RNF212: variants seen among roughly 807,000 people sequenced by gnomAD.
RNF212 encodes the protein ring finger protein 212, also known as probable E3 SUMO-protein ligase RNF212.
A neutral mutation model predicts 34.7 loss-of-function variants in RNF212; 33 were observed. That is an observed-to-expected ratio of 0.95 (90% CI 0.72 to 1.27). RNF212 has a LOEUF of 1.27. Ranked by LOEUF, RNF212 falls within the 50% of genes most tolerant of loss-of-function variation. RNF212 has a pLI of 0.00. For missense variants in RNF212, 377 were observed against 362.2 expected (o/e 1.04, Z -0.33); for synonymous variants, 140 against 136.1 (o/e 1.03, Z -0.20).
intron 5 of RNF212, 146 bp downstream of exon 5, chr4:1,085,749 GC>G: frequency 1.5e-6 from 1 of 662,014 alleles, no homozygotes; most frequent in Non-Finnish European, 2.7e-6. Context: ...CAGCATTTTT[GC>G]TCTGATGAAA....
intron 3 of RNF212, chr4:1,093,538 T>TGCTGCCCA: frequency 7.3e-7 from 1 of 1,375,484 alleles, no homozygotes; most frequent in Non-Finnish European, 9.3e-7. Flanking sequence ...GCAGAGCCTG[T>TGCTGCCCA]GACCTCCACG....
intron 1 of RNF212, 50 bp downstream of exon 1, chr4:1,113,306 C>T: frequency 5.9e-6 from 7 of 1,190,002 alleles, no homozygotes; most frequent in Non-Finnish European, 5.6e-6. Context: ...GTTCCCTGAC[C>T]CCCTTGCCGC....
intron 3 of RNF212, among the ~76,000 whole-genome samples, chr4:1,060,082 A>G (rs1476034942): frequency 6.8e-6 from 1 of 147,342 alleles, no homozygotes; most frequent in Non-Finnish European, 1.5e-5. Flanking sequence ...CTGGGCAACA[A>G]GAGCGAAACT....
intron 2 of RNF212, among the ~76,000 whole-genome samples, chr4:1,105,479 A>G (rs1049305077): frequency 6.6e-6 from 1 of 152,272 alleles, no homozygotes; most frequent in African/African-American, 2.4e-5. Context: ...AGGTGGTGAC[A>G]CACACTGCGA....
intron 3 of RNF212, among the ~76,000 whole-genome samples, chr4:1,095,893 C>G (rs531935415): frequency 1.3e-5 from 1 of 77,550 alleles, no homozygotes; most frequent in South Asian, 4.8e-4. Flanking sequence ...CTCAGCATAG[C>G]GCACCTGGCT....
chr4:1,086,745 G>A (rs557052314), intron 4 of RNF212, among the ~76,000 whole-genome samples: 26 of 11,306 alleles, frequency 2.3e-3, no homozygotes, highest in African/African-American at 0.017. Flanking sequence ...GGATGGGGTA[G>A]GGGTGAGAGG....
intron 4 of RNF212, among the ~76,000 whole-genome samples, chr4:1,090,337 G>A (rs1438177881): frequency 1.3e-5 from 2 of 152,134 alleles, no homozygotes; most frequent in African/African-American, 4.8e-5. Flanking sequence ...GTCACAAGCT[G>A]GCTTCCAGAC....
At chr4:1,093,829 C>A (rs614945) in intron 3 of RNF212, 165,661 of 1,535,982 alleles carry the variant, frequency 0.11, 13,247 homozygotes, top group African/African-American at 0.43. Flanking sequence ...TGGTGTTTCC[C>A]TGGGCCTCTG....
intron 7 of RNF212, among the ~76,000 whole-genome samples, chr4:1,081,067 C>T (rs1720256466): frequency 6.6e-6 from 1 of 152,226 alleles, no homozygotes; most frequent in South Asian, 2.1e-4. Flanking sequence ...CCATATAAGG[C>T]ACACCAGGTC....
In RNF212 at chr4:1,083,944, C is replaced by CT. The variant is rs1560119138; in HGVS notation, c.362+1951_362+1952insA. Among the ~76,000 whole-genome samples, 256 of 98,074 alleles carry CT rather than the reference C, an allele frequency of 2.6e-3. 1 individual carries two copies. Among genetic ancestry groups the CT allele is most frequent in the African/African-American group, 9.8e-3 (240 of 24,522 alleles). 64.3% of individuals were successfully genotyped at this position (98,074 alleles called of 152,430 possible). On this transcript the variant is annotated intron_variant, in intron 5 of 9. Coordinates refer to ENST00000433731, the MANE Select transcript of RNF212 (RefSeq NM_001131034.4). ...AATGAAAGTAATTCCACATTTTGTG[C>CT]ATTTTTTTTTTTTTTTTTTGAGAGA...
At chr4:1,080,914 G>A (rs778339128) in intron 7 of RNF212, among the ~76,000 whole-genome samples, 25 of 152,254 alleles carry the variant, frequency 1.6e-4, no homozygotes, top group Non-Finnish European at 2.9e-4. Context: ...CTGTGCCAGA[G>A]TGATGGCCAG....
intron 4 of RNF212, among the ~76,000 whole-genome samples, chr4:1,086,609 T>G (rs1215346332): frequency 3.0e-4 from 1 of 3,312 alleles, no homozygotes; most frequent in Non-Finnish European, 5.2e-4. Flanking sequence ...AGGAGAGGGG[T>G]GGGGGTGAGG....
chr4:1,080,031 C>G (rs1455610282), intron 7 of RNF212, among the ~76,000 whole-genome samples: 1 of 152,182 alleles, frequency 6.6e-6, no homozygotes, highest in Non-Finnish European at 1.5e-5. Flanking sequence ...CTGCCTGGAG[C>G]CTGCTGGACT....
chr4:1,100,683 A>C (rs1723834030), intron 2 of RNF212: 1 of 152,248 alleles, frequency 6.6e-6, no homozygotes, highest in African/African-American at 2.4e-5. Flanking sequence ...TGCTGGGATT[A>C]CAGGCGTGAG....
Position 1,073,103 on chromosome 4 carries a change from G to C in RNF212, c.665C>G (p.Ser222Ter). Residue 222 changes from serine (S) to a stop codon, truncating the protein, a stop_gained, in exon 10 of 10, where the codon TCA becomes TGA. Coordinates refer to ENST00000433731, the MANE Select transcript of RNF212 (RefSeq NM_001131034.4). LOFTEE classifies it low-confidence loss of function (END_TRUNC). ...VPGECVISRGSPCFCIDVCPH... is the reference protein window; with the variant it reads ...VPGECVISRG ...ACAGACGTCTATGCAGAAACATGGT[G>C]AACCTCTGGAAATGACACACTCTCC... 6.2e-7 allele frequency: 1 copy of C among 1,614,184 alleles called. No individual in the cohort carries two copies. Among genetic ancestry groups the C allele is most frequent in the South Asian group, 1.1e-5 (1 of 91,086 alleles).
At position 1,079,689 on chromosome 4, in the gene RNF212, C is replaced by G. The variant is rs1333272339; in HGVS notation, c.465-1G>C. The G allele has an allele frequency of 6.2e-7, 1 of 1,609,264 alleles. No individual in the cohort carries two copies. Among genetic ancestry groups the G allele is most frequent in the Non-Finnish European group, 8.5e-7 (1 of 1,175,658 alleles). ...GAGATCAACTTCCATCGACTCCAGT[C>G]TGTTAAACACATAGTGAAAGGCTTT... On this transcript the variant is annotated splice_acceptor_variant, in intron 7 of 9. Coordinates refer to ENST00000433731, the MANE Select transcript of RNF212 (RefSeq NM_001131034.4). LOFTEE classifies it high-confidence loss of function.
In RNF212 at chr4:1,100,043, T is replaced by C. The variant is rs79971155; in HGVS notation, c.172-3204A>G. 4.1e-4 allele frequency: 153 copies of C among 375,266 alleles called. 2 individuals carry two copies. The East Asian group carries it at 0.011, about 27-fold the overall frequency. The allele number at this position is 375,266 out of a possible 1,614,324, so 23.2% of individuals were successfully genotyped here. On this transcript the variant is annotated intron_variant, in intron 2 of 9. Coordinates refer to ENST00000433731, the MANE Select transcript of RNF212 (RefSeq NM_001131034.4). ...AATTTACTGTCTTGAAACACACAGA[T>C]TGTACTGGCTACAGCACGATACTGT...
At chr4:1,113,304 AC>A in intron 1 of RNF212, 51 bp downstream of exon 1, 1 of 346,262 alleles carries the variant, frequency 2.9e-6, no homozygotes, top group Non-Finnish European at 4.3e-6. Flanking sequence ...GAGTTCCCTG[AC>A]CCCCTTGCCG....
At chr4:1,085,868 C>T (rs754891292) in intron 5 of RNF212, 28 bp downstream of exon 5, 51 of 1,559,832 alleles carry the variant, frequency 3.3e-5, no homozygotes, top group Middle Eastern at 1.7e-4. Flanking sequence ...GCCTCGACTG[C>T]GCACTCACGG....
Sources: allele counts gnomAD v4.1 joint callset (sites outside exome capture counted in the v4.1 genomes callset), GRCh38; gene constraint gnomAD v4.1.1; transcripts MANE v1.5; gene names NCBI Gene and HGNC (gene_info 2026-07-23, HGNC 2026-07-21).